MGAT4A: variants seen among roughly 807,000 people sequenced by gnomAD.
MGAT4A encodes the protein N-acetylglucosaminyltransferase IVa.
Under a neutral mutation model 74.1 loss-of-function variants are expected in MGAT4A, and 33 were observed. The observed-to-expected ratio is 0.45, with a 90% CI of 0.34 to 0.60. MGAT4A has a LOEUF of 0.60. MGAT4A is among the 20% of genes least tolerant of loss of function. The pLI is 0.02. For synonymous variants in MGAT4A, 198 were observed against 210.4 expected, an observed-to-expected ratio of 0.94 and a Z score of 0.51; for missense variants, 479 against 628.3, an observed-to-expected ratio of 0.76 and a Z score of 2.54.
chr2:98,625,456 C>G lies in MGAT4A; in HGVS notation c.*110G>C. ...GTGGAAATGACAATCGTCTTATCTACAGTAGACTTCACAAGAGGTAGTGTT... is the reference window on the plus strand; with the variant it reads ...GTGGAAATGACAATCGTCTTATCTAGAGTAGACTTCACAAGAGGTAGTGTT... On this transcript the variant is annotated 3_prime_UTR_variant, in exon 16 of 16. Transcript: ENST00000393487. 6.5e-7 allele frequency: 1 copy of G among 1,537,814 alleles called. No individual in the cohort carries two copies.
Position 98,721,583 on chromosome 2 carries a change from T to C in MGAT4A, c.94+4656A>G, listed in dbSNP as rs199943798. Among the ~76,000 whole-genome samples, 4 of 152,216 alleles carry C rather than the reference T, an allele frequency of 2.6e-5. No homozygotes were observed. In the East Asian group the frequency reaches 5.8e-4, roughly 22 times the overall value. The stretch of plus-strand genomic sequence containing the variant: ...CATAAAAATAATAATTATAACAATA[T>C]ATTGTTTGGTTTGCAACATTAACAG... On this transcript the variant is annotated intron_variant, in intron 2 of 15. Transcript: ENST00000393487.
At chr2:98,646,032 ATAAAAAATTATAT>A (rs1304699426) in intron 8 of MGAT4A, among the ~76,000 whole-genome samples, 1 of 152,198 alleles carries the variant, frequency 6.6e-6, no homozygotes, top group Non-Finnish European at 1.5e-5. Flanking sequence ...ATATTACAGA[ATAAAAAATTATAT>A]TATTAGGATA....
chr2:98,662,914 G>T, intron 5 of MGAT4A, 132 bp downstream of exon 5: 1 of 605,210 alleles, frequency 1.7e-6, no homozygotes, highest in East Asian at 3.0e-5. Flanking sequence ...CTACCAGATA[G>T]AATATATTAC....
chr2:98,646,295 C>T (rs1404855715), intron 8 of MGAT4A, among the ~76,000 whole-genome samples: 1 of 152,010 alleles, frequency 6.6e-6, no homozygotes, highest in African/African-American at 2.4e-5. Flanking sequence ...CCTTTAAGCG[C>T]CCAGATTGTG....
intron 2 of MGAT4A, among the ~76,000 whole-genome samples, chr2:98,713,330 A>G (rs1320449049): frequency 6.6e-6 from 1 of 152,062 alleles, no homozygotes; most frequent in East Asian, 1.9e-4. Flanking sequence ...TGTTAATCAA[A>G]TCAACTCTAT....
At chr2:98,647,657 CA>C (rs1322502636) in intron 8 of MGAT4A, among the ~76,000 whole-genome samples, 1 of 152,170 alleles carries the variant, frequency 6.6e-6, no homozygotes, top group East Asian at 1.9e-4. Context: ...AAGACTTACT[CA>C]AGCACCACCT....
intron 10 of MGAT4A, 46 bp from the exon 11 acceptor site, chr2:98,640,274 A>C (rs1238620331): frequency 1.4e-6 from 2 of 1,467,108 alleles, no homozygotes; most frequent in East Asian, 4.6e-5. Flanking sequence ...ATAAAGTGAA[A>C]TCTTGCCCTC....
intron 2 of MGAT4A, among the ~76,000 whole-genome samples, chr2:98,690,267 C>G (rs73962421): frequency 0.014 from 2,132 of 152,278 alleles, 39 homozygotes; most frequent in Middle Eastern, 0.044. Context: ...GGAGCTGGGA[C>G]TTTCACCACC....
At chr2:98,660,673 CAATG>C (rs1303509394) in intron 5 of MGAT4A, among the ~76,000 whole-genome samples, 8 of 151,986 alleles carry the variant, frequency 5.3e-5, no homozygotes, top group Non-Finnish European at 1.2e-4. Context: ...CAAGAACACT[CAATG>C]AAAAAAGTTT....
chr2:98,715,941 C>A (rs1193468742), intron 2 of MGAT4A, among the ~76,000 whole-genome samples: 1 of 152,170 alleles, frequency 6.6e-6, no homozygotes, highest in Non-Finnish European at 1.5e-5. Context: ...GCCTGTCAGA[C>A]ACCACTTCAA....
At chr2:98,687,404 T>C (rs1702144765) in intron 2 of MGAT4A, among the ~76,000 whole-genome samples, 1 of 152,170 alleles carries the variant, frequency 6.6e-6, no homozygotes, top group Admixed American at 6.5e-5. Context: ...AATTAACCAG[T>C]CACACACTAT....
chr2:98,655,801 T>C (rs1243716374), intron 7 of MGAT4A: 1 of 245,212 alleles, frequency 4.1e-6, no homozygotes, highest in African/African-American at 2.2e-5. Flanking sequence ...CATGTTCCCC[T>C]TCTAGAAACA....
intron 4 of MGAT4A, among the ~76,000 whole-genome samples, chr2:98,673,778 T>C (rs1042611552): frequency 6.6e-6 from 1 of 152,126 alleles, no homozygotes; most frequent in Non-Finnish European, 1.5e-5. Flanking sequence ...AATGAAGAAA[T>C]AGTGTAAACA....
At chr2:98,659,029 G>A (rs934535465) in intron 5 of MGAT4A, among the ~76,000 whole-genome samples, 4 of 152,174 alleles carry the variant, frequency 2.6e-5, no homozygotes, top group African/African-American at 9.7e-5. Context: ...GTTTTAAACA[G>A]ACATTTTCAA....
At chr2:98,659,878 T>C (rs905682614) in intron 5 of MGAT4A, among the ~76,000 whole-genome samples, 3 of 152,062 alleles carry the variant, frequency 2.0e-5, no homozygotes, top group African/African-American at 7.2e-5. Context: ...CGATAACTTA[T>C]AAAAATGCTC....
At chr2:98,719,835 T>C (rs1286412702) in intron 2 of MGAT4A, among the ~76,000 whole-genome samples, 1 of 152,082 alleles carries the variant, frequency 6.6e-6, no homozygotes, top group Non-Finnish European at 1.5e-5. Context: ...TTAGTAGAGA[T>C]GGGATTTTGC....
In MGAT4A at chr2:98,722,139, C is replaced by T. The variant is rs561839634; in HGVS notation, c.94+4100G>A. Among the ~76,000 whole-genome samples the T allele has an allele frequency of 9.5e-4, 145 of 152,238 alleles. 2 individuals are homozygous for T. The highest frequency in any genetic ancestry group is 1.2e-3 in the Admixed American group (18 of 15,290). ...GAGTTATGATAGGACCCAGCAATTC[C>T]ACTCCTTGGTAAATACCCAAGAAAA... On this transcript the variant is annotated intron_variant, in intron 2 of 15. Coordinates refer to ENST00000393487, the MANE Select transcript of MGAT4A (RefSeq NM_012214.3).
intron 14 of MGAT4A, among the ~76,000 whole-genome samples, chr2:98,632,362 C>T (rs1269070261): frequency 6.6e-6 from 1 of 152,176 alleles, no homozygotes; most frequent in Non-Finnish European, 1.5e-5. Context: ...CCATCACACG[C>T]CCTGAAAGGT....
chr2:98,621,345 C>A lies in MGAT4A; in HGVS notation c.*4221G>T. 6.6e-7 allele frequency: 1 copy of A among 1,507,928 alleles called. No homozygotes were observed. The allele number at this position is 1,507,928 out of a possible 1,614,324, so 93.4% of individuals were successfully genotyped here. The stretch of plus-strand genomic sequence containing the variant: ...TTCAGTTCCCGTGGCTGTAGGACTG[C>A]AGTTCCCAGCTCCTTTGCTGTTAGC... On this transcript the variant is annotated 3_prime_UTR_variant, in exon 16 of 16. Coordinates refer to ENST00000393487, the MANE Select transcript of MGAT4A (RefSeq NM_012214.3).
Sources: allele counts gnomAD v4.1 joint callset (sites outside exome capture counted in the v4.1 genomes callset), GRCh38; gene constraint gnomAD v4.1.1; transcripts MANE v1.5; gene names NCBI Gene and HGNC (gene_info 2026-07-23, HGNC 2026-07-21).